Variants in N4BP2 observed in about 807,000 individuals in gnomAD.
The protein encoded by N4BP2 is NEDD4-binding protein 2.
In N4BP2, 91 loss-of-function variants were observed where a neutral mutation model predicts 152.8. The observed-to-expected ratio is 0.60, with a 90% CI of 0.50 to 0.71. The LOEUF (loss-of-function observed/expected upper bound fraction) is 0.71. Ranked by LOEUF, N4BP2 falls within the 30% of genes least tolerant of loss-of-function variation. N4BP2 has a pLI of 0.00. For synonymous variants in N4BP2, 646 were observed against 705.3 expected (o/e 0.92, Z 1.33); for missense variants, 1,923 against 2,059.1 (o/e 0.93, Z 1.28).
At position 40,147,165 on chromosome 4, in the gene N4BP2, C is replaced by A. The variant is rs1432542475; in HGVS notation, c.5143+2365C>A. Among the ~76,000 whole-genome samples, 2 of 149,824 alleles carry A rather than the reference C, an allele frequency of 1.3e-5. 1 individual carries two copies. Among genetic ancestry groups the A allele is most frequent in the Admixed American group, 1.3e-4 (2 of 15,024 alleles). On this transcript the variant is annotated intron_variant, in intron 16 of 17. Transcript: ENST00000261435. ...CTGTTTAACAAAGCACATCTTGCACCGCCCTTAATCCATTTAACCCTGAGT... is the reference window on the plus strand; with the variant it reads ...CTGTTTAACAAAGCACATCTTGCACAGCCCTTAATCCATTTAACCCTGAGT...
At chr4:40,137,139 A>G in intron 14 of N4BP2, 57 bp downstream of exon 14, 1 of 1,329,234 alleles carries the variant, frequency 7.5e-7, no homozygotes, top group Non-Finnish European at 1.0e-6. Context: ...TAAAAATATA[A>G]TTGGTTCATT....
rs1294089646 is a variant in N4BP2 at position 40,120,766 on chromosome 4, G to A, written c.2655G>A (p.Trp885Ter). Residue 885 changes from tryptophan to a stop codon, truncating the protein, a stop_gained, in exon 9 of 18, where the codon TGG (tryptophan) becomes TGA (stop). Coordinates refer to ENST00000261435, the MANE Select transcript of N4BP2 (RefSeq NM_018177.6). LOFTEE classifies it high-confidence loss of function. The stretch of plus-strand genomic sequence containing the variant: ...ACTCATTCAACATTATGGGTGACTG[G>A]CCTTCATCTGATTCTTTAGCTCAGA... ...DKNSFNIMGD[W>*]PSSDSLAQRE... 6.2e-7 allele frequency: 1 copy of A among 1,614,158 alleles called. No individual in the cohort carries two copies. The highest frequency in any genetic ancestry group is 8.5e-7 in the Non-Finnish European group (1 of 1,180,020).
Position 40,086,872 on chromosome 4 carries a change from T to G in N4BP2, c.-114-10355T>G, listed in dbSNP as rs1238652594. On this transcript the variant is annotated intron_variant, in intron 2 of 17. Transcript: ENST00000261435. ...AAGTGATCCTCCCATCTCAGCCTCC[T>G]GAGTAGCTGGGACCACAGGTGAACA... Among the ~76,000 whole-genome samples, 3 of 152,012 alleles carry G rather than the reference T, an allele frequency of 2.0e-5. No individual in the cohort carries two copies. The East Asian group carries it at 5.8e-4, about 29-fold the overall frequency.
chr4:40,156,864 T>C lies in N4BP2; in HGVS notation c.*2627T>C, dbSNP rs1269272167. The C allele has an allele frequency of 6.6e-6, 1 of 152,158 alleles. No homozygotes were observed. Among genetic ancestry groups the C allele is most frequent in the African/African-American group, 2.4e-5 (1 of 41,442 alleles). 9.4% of individuals were successfully genotyped at this position (152,158 alleles called of 1,614,324 possible). ...ACTCAACAAGTAAATATAATGCACA[T>C]GTTCTAAAATATCCCCCCAAACCCC... On this transcript the variant is annotated 3_prime_UTR_variant, in exon 18 of 18. Coordinates refer to ENST00000261435, the MANE Select transcript of N4BP2 (RefSeq NM_018177.6).
chr4:40,173,126 G>A, the N4BP2 span, among the ~76,000 whole-genome samples: 1 of 151,998 alleles, frequency 6.6e-6, no homozygotes, highest in Non-Finnish European at 1.5e-5. Flanking sequence ...CATCAGTAGA[G>A]GACATCTCTT....
At position 40,146,869 on chromosome 4, in the gene N4BP2, CTTTT is replaced by C. The variant is rs33993973; in HGVS notation, c.5143+2087_5143+2090del. ...TTCTATTATGTTTCTATGTGTTTGG[CTTTT>C]TTTTTTTTTTTTTTTTTCCCCAGGT... is the stretch of plus-strand genomic sequence containing the variant. On this transcript the variant is annotated intron_variant, in intron 16 of 17. Coordinates refer to ENST00000261435, the MANE Select transcript of N4BP2 (RefSeq NM_018177.6). Among the ~76,000 whole-genome samples, 155 of 90,038 alleles carry C rather than the reference CTTTT, an allele frequency of 1.7e-3. 1 individual carries two copies. The highest frequency in any genetic ancestry group is 4.0e-3 in the South Asian group (10 of 2,506). 59.1% of individuals were successfully genotyped at this position (90,038 alleles called of 152,430 possible).
At chr4:40,176,912 C>T in the N4BP2 span, among the ~76,000 whole-genome samples, 1 of 152,184 alleles carries the variant, frequency 6.6e-6, no homozygotes, top group African/African-American at 2.4e-5. Flanking sequence ...TCGGGGGATC[C>T]CTGTTTTCCC....
At chr4:40,177,414 G>A in the N4BP2 span, among the ~76,000 whole-genome samples, 2 of 152,104 alleles carry the variant, frequency 1.3e-5, no homozygotes, top group South Asian at 2.1e-4. Context: ...TCAGGAGTTC[G>A]AGATTAGCTT....
Position 40,155,866 on chromosome 4 carries a change from G to A in N4BP2, c.*1629G>A, listed in dbSNP as rs1301771669. On this transcript the variant is annotated 3_prime_UTR_variant, in exon 18 of 18. Transcript: ENST00000261435. ...GATTGCATGCTTTTAAAATAAGGAG[G>A]CTTATCATTGAATTTTAGTTCCATA... 6.6e-6 allele frequency: 1 copy of A among 151,940 alleles called. No individual in the cohort carries two copies. The highest frequency in any genetic ancestry group is 1.5e-5 in the Non-Finnish European group (1 of 67,982). The allele number at this position is 151,940 out of a possible 1,614,324, so 9.4% of individuals were successfully genotyped here.
chr4:40,062,611 G>A (rs1003601067), intron 1 of N4BP2, among the ~76,000 whole-genome samples: 1 of 150,068 alleles, frequency 6.7e-6, no homozygotes, highest in African/African-American at 2.5e-5. Context: ...TGGCTTTCAG[G>A]ATCCTCATGA....
chr4:40,188,677 G>T, the N4BP2 span, among the ~76,000 whole-genome samples: 1 of 148,456 alleles, frequency 6.7e-6, no homozygotes, highest in African/African-American at 2.5e-5. Context: ...CCTGGGAGGC[G>T]CAGGTTGCAA....
intron 2 of N4BP2, among the ~76,000 whole-genome samples, chr4:40,092,008 T>TCATATA (rs1491368293): frequency 3.7e-5 from 1 of 27,202 alleles, no homozygotes; most frequent in Non-Finnish European, 5.9e-5. Flanking sequence ...AAAAAAAAAA[T>TCATATA]TATATATATA....
In N4BP2 at chr4:40,102,369, A is replaced by T; in HGVS notation, c.524A>T (p.Asp175Val). ...LPSQDVNSFN[D>V]SSEFINPDSS... ...TCACAAGATGTTAATAGTTTTAATG[A>T]CTCAAGTGAGTTTATAAATCCTGAT... Residue 175 changes from aspartate to valine, a missense_variant, in exon 4 of 18, where the codon GAC (aspartate) becomes GTC (valine). Asp to Val is a radical substitution (Grantham distance 152). Transcript: ENST00000261435. The T allele has an allele frequency of 6.2e-7, 1 of 1,613,040 alleles. No homozygotes were observed. Among genetic ancestry groups the T allele is most frequent in the Non-Finnish European group, 8.5e-7 (1 of 1,179,636 alleles).
chr4:40,084,855 TCTG>T (rs1713780142), intron 2 of N4BP2, among the ~76,000 whole-genome samples: 1 of 151,254 alleles, frequency 6.6e-6, no homozygotes, highest in Non-Finnish European at 1.5e-5. Context: ...CCTCAGGTGA[TCTG>T]CCCACCTTGG....
chr4:40,129,978 A>G (rs1718772700), intron 12 of N4BP2, among the ~76,000 whole-genome samples: 1 of 152,246 alleles, frequency 6.6e-6, no homozygotes, highest in Non-Finnish European at 1.5e-5. Context: ...AGATTGGTAG[A>G]AAATCTGATG....
At position 40,092,008 on chromosome 4, in the gene N4BP2, TTATATATATATATA is replaced by T. The variant is rs1221314746; in HGVS notation, c.-114-5194_-114-5181del. 1.2e-3 allele frequency among the ~76,000 whole-genome samples: 32 copies of T among 27,206 alleles called. 2 individuals carry two copies. The highest frequency in any genetic ancestry group is 1.9e-3 in the East Asian group (1 of 526). The allele number at this position is 27,206 out of a possible 152,430, so 17.8% of individuals were successfully genotyped here. A position where few individuals can be genotyped will look rare whatever the true frequency, so the allele number is the denominator to read the frequency against. ...AAAAAAAAAAAAAAAAAAAAAAAAA[TTATATATATATATA>T]TATATATATATATATATATATATAG... On this transcript the variant is annotated intron_variant, in intron 2 of 17. Coordinates refer to ENST00000261435, the MANE Select transcript of N4BP2 (RefSeq NM_018177.6).
chr4:40,172,524 T>G, the N4BP2 span, among the ~76,000 whole-genome samples: 3 of 152,080 alleles, frequency 2.0e-5, no homozygotes, highest in Non-Finnish European at 2.9e-5. Flanking sequence ...GACACAGAGA[T>G]AGCCACAGAG....
chr4:40,094,993 G>A (rs1054336831), intron 2 of N4BP2, among the ~76,000 whole-genome samples: 1 of 151,970 alleles, frequency 6.6e-6, no homozygotes, highest in Non-Finnish European at 1.5e-5. Flanking sequence ...GGCCAGGTTG[G>A]TCTCAAACTC....
At chr4:40,122,665 A>G (rs909950822) in intron 9 of N4BP2, among the ~76,000 whole-genome samples, 3 of 152,254 alleles carry the variant, frequency 2.0e-5, no homozygotes, top group Admixed American at 6.5e-5. Flanking sequence ...AAAAAATACA[A>G]TAGGAAGAAA....
Sources: allele counts gnomAD v4.1 joint callset (sites outside exome capture counted in the v4.1 genomes callset), GRCh38; gene constraint gnomAD v4.1.1; transcripts MANE v1.5; gene names NCBI Gene and HGNC (gene_info 2026-07-23, HGNC 2026-07-21).